Variants in EIF2S1 observed in about 807,000 individuals in gnomAD.
EIF2S1 encodes the protein eukaryotic translation initiation factor 2 subunit 1.
In EIF2S1, 5 loss-of-function variants were observed where a neutral mutation model predicts 33.5. The observed-to-expected ratio is 0.15, with a 90% CI of 0.08 to 0.31. The LOEUF (loss-of-function observed/expected upper bound fraction) is 0.31, where lower values mean the gene tolerates loss of function less well. Among genes scored for constraint, EIF2S1 ranks in the 10% least tolerant of loss-of-function variants. The pLI, the probability that EIF2S1 is intolerant of heterozygous loss-of-function variation, is 1.00. For missense variants in EIF2S1, 191 were observed against 384.6 expected, an observed-to-expected ratio of 0.50 and a Z score of 4.21; for synonymous variants, 99 against 127.5, an observed-to-expected ratio of 0.78 and a Z score of 1.51.
At chr14:67,363,317 T>A (rs1390865938) in intron 1 of EIF2S1, among the ~76,000 whole-genome samples, 4 of 152,082 alleles carry the variant, frequency 2.6e-5, no homozygotes, top group Non-Finnish European at 5.9e-5. Flanking sequence ...CCCTATTTTG[T>A]AGGGATTTTG....
intron 4 of EIF2S1, among the ~76,000 whole-genome samples, chr14:67,378,318 T>C (rs867940699): frequency 2.7e-5 from 4 of 149,226 alleles, no homozygotes; most frequent in Middle Eastern, 3.4e-3. Context: ...ATGTGACTTT[T>C]TTTTTTTTTT....
intron 1 of EIF2S1, among the ~76,000 whole-genome samples, chr14:67,361,215 T>C (rs915491642): frequency 3.3e-5 from 5 of 152,202 alleles, no homozygotes; most frequent in African/African-American, 1.2e-4. Flanking sequence ...TTTAAATTTT[T>C]ATTAAGCAAA....
intron 6 of EIF2S1, 55 bp downstream of exon 6, chr14:67,381,745 A>C: frequency 8.3e-7 from 1 of 1,210,050 alleles, no homozygotes; most frequent in Non-Finnish European, 1.2e-6. Flanking sequence ...ACCAAATAGG[A>C]TCTTTGATCT....
At chr14:67,377,041 C>G (rs1025140645) in intron 4 of EIF2S1, among the ~76,000 whole-genome samples, 2 of 152,184 alleles carry the variant, frequency 1.3e-5, no homozygotes, top group African/African-American at 2.4e-5. Context: ...TCCTATTCAT[C>G]TAGCTCCCAG....
At chr14:67,365,157 G>A in intron 2 of EIF2S1, 149 bp downstream of exon 2, 1 of 827,694 alleles carries the variant, frequency 1.2e-6, no homozygotes, top group East Asian at 2.8e-5. Context: ...AGAAAAGGAT[G>A]CCAATTAGCT....
rs774344870 is a variant in EIF2S1 at position 67,374,428 on chromosome 14, A to G, written c.242-40A>G. The G allele has an allele frequency of 5.8e-5, 79 of 1,358,520 alleles. No individual in the cohort carries two copies. In the South Asian group the frequency reaches 1.0e-3, roughly 17 times the overall value. The allele number at this position is 1,358,520 out of a possible 1,614,324, so 84.2% of individuals were successfully genotyped here. On this transcript the variant is annotated intron_variant, in intron 2 of 7. Transcript: ENST00000256383. ...AAGCTGGTTACAATAGTACAGTGGC[A>G]TCTGGACAGAGATGATTTTTTCACA...
intron 6 of EIF2S1, 69 bp from the exon 7 acceptor site, chr14:67,382,378 C>T (rs2085891952): frequency 4.3e-6 from 6 of 1,410,106 alleles, no homozygotes; most frequent in African/African-American, 1.5e-5. Flanking sequence ...TTAATAAAAT[C>T]TCAAGCATCC....
intron 2 of EIF2S1, among the ~76,000 whole-genome samples, chr14:67,367,306 C>T (rs1470656121): frequency 6.6e-6 from 1 of 152,218 alleles, no homozygotes; most frequent in Non-Finnish European, 1.5e-5. Context: ...TCTTGGCTCA[C>T]TGCAACCTCC....
chr14:67,378,446 G>T (rs2085869480), intron 4 of EIF2S1, among the ~76,000 whole-genome samples: 1 of 149,920 alleles, frequency 6.7e-6, no homozygotes, highest in Admixed American at 6.8e-5. Flanking sequence ...TTTTCTTACA[G>T]TTGAAGAAAC....
chr14:67,381,781 C>T, intron 6 of EIF2S1, 91 bp downstream of exon 6: 1 of 883,924 alleles, frequency 1.1e-6, no homozygotes, highest in Non-Finnish European at 1.7e-6. Flanking sequence ...TTTTTAATCA[C>T]ATTTCATAAC....
In EIF2S1 at chr14:67,370,105, C is replaced by T. The variant is rs567943783; in HGVS notation, c.242-4363C>T. On this transcript the variant is annotated intron_variant, in intron 2 of 7. Transcript: ENST00000256383. ...GAATTAATTGCAGCAGGAACACGTC[C>T]TTAAGACACAGATCACTCATGCTTT... 4.6e-5 allele frequency among the ~76,000 whole-genome samples: 7 copies of T among 152,402 alleles called. No homozygotes were observed. The South Asian group carries it at 1.4e-3, about 32-fold the overall frequency.
chr14:67,369,990 A>G (rs1487114063), intron 2 of EIF2S1, among the ~76,000 whole-genome samples: 4 of 152,354 alleles, frequency 2.6e-5, no homozygotes, highest in East Asian at 1.9e-4. Context: ...TTACCCACAT[A>G]TTTATTAACA....
intron 2 of EIF2S1, 126 bp downstream of exon 2, chr14:67,365,134 A>G (rs2085766245): frequency 9.5e-7 from 1 of 1,054,386 alleles, no homozygotes; most frequent in Non-Finnish European, 1.3e-6. Context: ...AACCTTTTAC[A>G]TACAAAGTTG....
intron 2 of EIF2S1, among the ~76,000 whole-genome samples, chr14:67,368,471 TTA>T (rs1323025020): frequency 6.6e-6 from 1 of 152,056 alleles, no homozygotes; most frequent in African/African-American, 2.4e-5. Context: ...AAGAAAATAT[TTA>T]GTTACTACTA....
chr14:67,360,364 G>T lies in EIF2S1; in HGVS notation c.-94G>T. ...AGTGAGCGAAGCGCACGCTGAGGAGGATCGGCGGCCGGTGAGGGGGAAGCA... is the reference window on the plus strand; with the variant it reads ...AGTGAGCGAAGCGCACGCTGAGGAGTATCGGCGGCCGGTGAGGGGGAAGCA... On this transcript the variant is annotated 5_prime_UTR_variant, in exon 1 of 8. Coordinates refer to ENST00000256383, the MANE Select transcript of EIF2S1 (RefSeq NM_004094.5). 2.5e-6 allele frequency: 1 copy of T among 397,266 alleles called. No homozygotes were observed. Among genetic ancestry groups the T allele is most frequent in the Non-Finnish European group, 4.4e-6 (1 of 225,572 alleles). 24.6% of individuals were successfully genotyped at this position (397,266 alleles called of 1,614,324 possible).
intron 1 of EIF2S1, chr14:67,363,891 C>T (rs2085757795): frequency 6.6e-6 from 1 of 152,178 alleles, no homozygotes; most frequent in African/African-American, 2.4e-5. Flanking sequence ...AAATCATCAG[C>T]CATGATTAGT....
At chr14:67,376,384 C>G in intron 3 of EIF2S1, 55 bp from the exon 4 acceptor site, 1 of 1,485,122 alleles carries the variant, frequency 6.7e-7, no homozygotes, top group Admixed American at 2.3e-5. Flanking sequence ...AATGTAAAAA[C>G]ATTTTTTATA....
At chr14:67,369,419 A>C (rs1268618863) in intron 2 of EIF2S1, among the ~76,000 whole-genome samples, 1 of 152,256 alleles carries the variant, frequency 6.6e-6, no homozygotes, top group African/African-American at 2.4e-5. Flanking sequence ...CATAGTTGGA[A>C]GTTTGAACAA....
At chr14:67,380,586 C>A in intron 4 of EIF2S1, 73 bp from the exon 5 acceptor site, 1 of 739,712 alleles carries the variant, frequency 1.4e-6, no homozygotes, top group South Asian at 2.9e-5. Context: ...ATGCATTGTT[C>A]CATAGTGTTT....
Sources: gnomAD v4.1 joint callset for allele counts (sites outside exome capture counted in the v4.1 genomes callset) on GRCh38, gnomAD v4.1.1 for gene constraint, MANE v1.5 for transcripts, NCBI Gene and HGNC (gene_info 2026-07-23, HGNC 2026-07-21) for gene names.